Variants in PYGM observed in about 807,000 individuals in gnomAD.
PYGM encodes the protein glycogen phosphorylase, muscle form.
Under a neutral mutation model 99.3 loss-of-function variants are expected in PYGM, and 81 were observed. The ratio of observed to expected loss-of-function variants is 0.82; its 90% CI spans 0.68 to 0.98. The LOEUF (loss-of-function observed/expected upper bound fraction) is 0.98, where lower values mean the gene tolerates loss of function less well. Among genes scored for constraint, PYGM ranks in the 50% least tolerant of loss-of-function variants. The pLI, the probability that PYGM is intolerant of heterozygous loss-of-function variation, is 0.00. For missense variants in PYGM, 1,030 were observed against 1,158.1 expected (o/e 0.89, Z 1.61); for synonymous variants, 436 against 451.5 (o/e 0.97, Z 0.44).
Position 64,754,071 on chromosome 11 carries a change from G to T in PYGM, c.1093-46C>A. ...TCAGGATGCTGACCTCAGCCCAGTG[G>T]GTCTCCTCACACACTACGCATCCCA... On this transcript the variant is annotated intron_variant, in intron 9 of 19. Transcript: ENST00000164139. The surrounding 1 kb of genome is among the most constrained non-coding windows in gnomAD (Gnocchi z 5.5). 1 of 1,597,872 alleles carries T rather than the reference G, an allele frequency of 6.3e-7. No individual in the cohort carries two copies. Among genetic ancestry groups the T allele is most frequent in the Non-Finnish European group, 8.5e-7 (1 of 1,172,394 alleles).
In PYGM at chr11:64,757,856, G is replaced by A; in HGVS notation, c.583C>T (p.Pro195Ser). 3 of 1,614,148 alleles carry A rather than the reference G, an allele frequency of 1.9e-6. No homozygotes were observed. The South Asian group carries it at 3.3e-5, about 18-fold the overall frequency. Residue 195 changes from proline (P) to serine (S), a missense_variant, in exon 5 of 20, where the codon CCC becomes TCC. Coordinates refer to ENST00000164139, the MANE Select transcript of PYGM (RefSeq NM_005609.4). ...RYGNPWEKARPEFTLPVHFYG... is the reference protein window; with the variant it reads ...RYGNPWEKARSEFTLPVHFYG... ...AAGTGCACAGGTAGCGTGAACTCGG[G>A]CCGGGCCTTCTCCCAGGGGTTGCCG... is the stretch of plus-strand genomic sequence containing the variant.
At chr11:64,757,959 C>T in intron 4 of PYGM, 49 bp from the exon 5 acceptor site, 2 of 1,611,316 alleles carry the variant, frequency 1.2e-6, no homozygotes, top group Non-Finnish European at 1.7e-6. Context: ...TCAGTACAGG[C>T]ACTCACAGTG....
At position 64,750,375 on chromosome 11, in the gene PYGM, C is replaced by A. The variant is rs751875471; in HGVS notation, c.2177+1G>T. ...TTGCCCGTGAACCCTGACCCCCATA[C>A]CCTCTTTGGTCAAGCTTATCCACAT... On this transcript the variant is annotated splice_donor_variant, in intron 17 of 19. Transcript: ENST00000164139. LOFTEE classifies it high-confidence loss of function. 4 of 1,614,066 alleles carry A rather than the reference C, an allele frequency of 2.5e-6. No individual in the cohort carries two copies. The highest frequency in any genetic ancestry group is 2.2e-5 in the South Asian group (2 of 91,082).
intron 4 of PYGM, 40 bp downstream of exon 4, chr11:64,758,206 T>C (rs773051491): frequency 1.3e-6 from 2 of 1,558,322 alleles, no homozygotes; most frequent in Non-Finnish European, 1.8e-6. Flanking sequence ...GTCTTCCCCA[T>C]CCTGACTAGA....
Position 64,755,104 on chromosome 11 carries a change from C to T in PYGM, c.855+169G>A, listed in dbSNP as rs565036232. Among the ~76,000 whole-genome samples, 30 of 152,248 alleles carry T rather than the reference C, an allele frequency of 2.0e-4. No individual in the cohort carries two copies. Among genetic ancestry groups the T allele is most frequent in the African/African-American group, 7.0e-4 (29 of 41,540 alleles). ...CTTCGCTAACCCAGTTTCCTCAGGACTCAGGTGTCCTTGCACTCAAAAGAC... is the reference window on the plus strand; with the variant it reads ...CTTCGCTAACCCAGTTTCCTCAGGATTCAGGTGTCCTTGCACTCAAAAGAC... On this transcript the variant is annotated intron_variant, in intron 7 of 19. Coordinates refer to ENST00000164139, the MANE Select transcript of PYGM (RefSeq NM_005609.4). This position sits in a 1 kb window ranked among gnomAD's most constrained non-coding sequence, Gnocchi z 4.1.
chr11:64,748,322 C>G (rs1275200388), intron 17 of PYGM: 1 of 152,216 alleles, frequency 6.6e-6, no homozygotes, highest in Non-Finnish European at 1.5e-5. Flanking sequence ...TCTGAGCATG[C>G]GGGACCATGC....
chr11:64,746,399 C>T lies in PYGM; in HGVS notation c.*260G>A. On this transcript the variant is annotated 3_prime_UTR_variant, in exon 20 of 20. Transcript: ENST00000164139. ...CCCAACAAAGAGGAGTAAGGAGGCT[C>T]CCAAGGAGAATGAATTTATTAGGGA... The T allele has an allele frequency of 1.7e-6, 1 of 582,374 alleles. No individual in the cohort carries two copies. The highest frequency in any genetic ancestry group is 2.0e-5 in the South Asian group (1 of 49,528). 36.1% of individuals were successfully genotyped at this position (582,374 alleles called of 1,614,324 possible).
In PYGM at chr11:64,753,989, T is replaced by A. The variant is rs954192338; in HGVS notation, c.1129A>T (p.Asn377Tyr). 13 of 1,607,082 alleles carry A rather than the reference T, an allele frequency of 8.1e-6. No homozygotes were observed. The highest frequency in any genetic ancestry group is 1.1e-5 in the Non-Finnish European group (13 of 1,176,736). The change falls in exon 10 of 20, where the codon AAC (asparagine) becomes TAC (tyrosine). Residue 377 changes from asparagine to tyrosine, a missense_variant. Coordinates refer to ENST00000164139, the MANE Select transcript of PYGM (RefSeq NM_005609.4). ...AGGGCCTCGGGCAGCACCGTGTGGT[T>A]GGTGTAGGCACAGGTCCTCACTGTC... ...DVTVRTCAYT[N>Y]HTVLPEALER...
chr11:64,747,103 G>C (rs1178829806), intron 18 of PYGM, 116 bp from the exon 19 acceptor site: 2 of 1,568,930 alleles, frequency 1.3e-6, no homozygotes, highest in Non-Finnish European at 1.8e-6. Flanking sequence ...AGAGGGTCAT[G>C]CTGCTTCCAA....
rs763385602 is a variant in PYGM at position 64,751,399 on chromosome 11, T to G, written c.1895A>C (p.Asn632Thr). The change falls in exon 16 of 20, where the codon AAC (asparagine) becomes ACC (threonine). Residue 632 changes from asparagine (N) to threonine (T), a missense_variant. Asn to Thr is a moderately conservative substitution (Grantham distance 65, BLOSUM62 0). Coordinates refer to ENST00000164139, the MANE Select transcript of PYGM (RefSeq NM_005609.4). ...GCGGTCACCCACTGCCGGGTCATGGTTGACCACATCCCCGATGGCTGTGAC... is the reference window on the plus strand; with the variant it reads ...GCGGTCACCCACTGCCGGGTCATGGGTGACCACATCCCCGATGGCTGTGAC... The part of the protein sequence containing the change: ...RLVTAIGDVV[N>T]HDPAVGDRLR... The G allele has an allele frequency of 6.2e-7, 1 of 1,614,040 alleles. No homozygotes were observed. Among genetic ancestry groups the G allele is most frequent in the Non-Finnish European group, 8.5e-7 (1 of 1,180,032 alleles).
Position 64,751,048 on chromosome 11 carries a change from C to T in PYGM, c.1969+277G>A, listed in dbSNP as rs2071320. The T allele has an allele frequency of 0.13, 56,276 of 436,992 alleles. 5,108 individuals carry two copies. Among genetic ancestry groups the T allele is most frequent in the East Asian group, 0.39 (7,724 of 20,024 alleles). 27.1% of individuals were successfully genotyped at this position (436,992 alleles called of 1,614,324 possible). The stretch of plus-strand genomic sequence containing the variant: ...CTGGGATTATAGGCACCTGCCATCA[C>T]GCCCAGCTAATTTTTGTATTTTTAG... On this transcript the variant is annotated intron_variant, in intron 16 of 19. Transcript: ENST00000164139.
At position 64,751,613 on chromosome 11, in the gene PYGM, A is replaced by G. The variant is rs751456350; in HGVS notation, c.1811T>C (p.Val604Ala). The G allele has an allele frequency of 1.2e-6, 2 of 1,613,902 alleles. No individual in the cohort carries two copies. The highest frequency in any genetic ancestry group is 2.2e-5 in the South Asian group (2 of 91,080). The stretch of plus-strand genomic sequence containing the variant: ...GCTTCTCACCTTCCCTCCAATCATC[A>G]CAGTCCGAGGCACAAAAAACTTATT... ...EPNKFFVPRT[V>A]MIGGKAAPGY... The change falls in exon 15 of 20, where the codon GTG becomes GCG. Residue 604 changes from valine (V) to alanine (A), a missense_variant. Physicochemically the swap from Val to Ala is moderately conservative, Grantham distance 64. Coordinates refer to ENST00000164139, the MANE Select transcript of PYGM (RefSeq NM_005609.4).
intron 17 of PYGM, 170 bp from the exon 18 acceptor site, chr11:64,747,528 T>A: frequency 1.3e-6 from 1 of 755,496 alleles, no homozygotes. Flanking sequence ...CCTTCTCTGC[T>A]CAGCTTTTCA....
chr11:64,759,870 T>TTCTCTTGG lies in PYGM; in HGVS notation c.21_28dup (p.Lys10ThrfsTer19), dbSNP rs770037766. 6 of 1,614,076 alleles carry TTCTCTTGG rather than the reference T, an allele frequency of 3.7e-6. No individual in the cohort carries two copies. The highest frequency in any genetic ancestry group is 5.1e-6 in the Non-Finnish European group (6 of 1,180,036). On this transcript the variant is annotated frameshift_variant, in exon 1 of 20. Transcript: ENST00000164139. LOFTEE classifies it high-confidence loss of function. ...GCCACGCACACTGATTTGCTTTCTT[T>TTCTCTTGG]TCTCTTGGTCTGACAGGGGCCGGGA... is the stretch of plus-strand genomic sequence containing the variant.
chr11:64,751,141 C>T, intron 16 of PYGM, 184 bp downstream of exon 16: 1 of 846,076 alleles, frequency 1.2e-6, no homozygotes, highest in Non-Finnish European at 1.9e-6. Context: ...ATCCACCCAC[C>T]TTGGCCTCCC....
At chr11:64,757,211 C>T (rs1284270864) in intron 5 of PYGM, among the ~76,000 whole-genome samples, 1 of 152,182 alleles carries the variant, frequency 6.6e-6, no homozygotes, top group Non-Finnish European at 1.5e-5. Flanking sequence ...GTATGACCCA[C>T]TGCCCCAGTC....
chr11:64,754,504 G>A lies in PYGM; in HGVS notation c.1000-159C>T. ...GCTCATGGGGGTGGGAGGAATGGGG[G>A]GAGTGGGGCGGGAGGAGGAGGGAAG... On this transcript the variant is annotated intron_variant, in intron 8 of 19. Transcript: ENST00000164139. The surrounding 1 kb of genome is among the most constrained non-coding windows in gnomAD (Gnocchi z 5.5). 1.0e-6 allele frequency: 1 copy of A among 959,190 alleles called. No individual in the cohort carries two copies. The highest frequency in any genetic ancestry group is 1.6e-6 in the Non-Finnish European group (1 of 636,058). The allele number at this position is 959,190 out of a possible 1,614,324, so 59.4% of individuals were successfully genotyped here. A position where few individuals can be genotyped will look rare whatever the true frequency, so the allele number is the denominator to read the frequency against.
In PYGM at chr11:64,757,862, C is replaced by A. The variant is rs77656150; in HGVS notation, c.577G>T (p.Ala193Ser). 5,332 of 1,614,168 alleles carry A rather than the reference C, an allele frequency of 3.3e-3. 15 individuals carry two copies. Among genetic ancestry groups the A allele is most frequent in the Non-Finnish European group, 4.0e-3 (4,779 of 1,180,036 alleles). Residue 193 changes from alanine (A) to serine (S), a missense_variant, in exon 5 of 20, where the codon GCC (alanine) becomes TCC (serine). Coordinates refer to ENST00000164139, the MANE Select transcript of PYGM (RefSeq NM_005609.4). ...WLRYGNPWEK[A>S]RPEFTLPVHF... The stretch of plus-strand genomic sequence containing the variant: ...ACAGGTAGCGTGAACTCGGGCCGGG[C>A]CTTCTCCCAGGGGTTGCCGTAGCGA...
At chr11:64,756,589 TAC>T (rs1451512267) in intron 5 of PYGM, among the ~76,000 whole-genome samples, 1 of 152,206 alleles carries the variant, frequency 6.6e-6, no homozygotes, top group East Asian at 1.9e-4. Context: ...TGGCTGGGAT[TAC>T]AGGCACGTGC....
Sources: gnomAD v4.1 joint callset for allele counts (sites outside exome capture counted in the v4.1 genomes callset) on GRCh38, gnomAD v4.1.1 for gene constraint, Gnocchi (gnomAD v3.1) non-coding constraint, MANE v1.5 for transcripts, NCBI Gene and HGNC (gene_info 2026-07-23, HGNC 2026-07-21) for gene names.